The following SPTBN4 variants were observed in gnomAD, a reference collection of about 807,000 sequenced individuals.
SPTBN4 encodes spectrin beta, non-erythrocytic 4, also known as spectrin beta chain, non-erythrocytic 4.
A neutral mutation model predicts 277.8 loss-of-function variants in SPTBN4; 96 were observed. The ratio of observed to expected loss-of-function variants is 0.35; its 90% CI spans 0.29 to 0.41. The LOEUF (loss-of-function observed/expected upper bound fraction) is 0.41, where lower values mean the gene tolerates loss of function less well. Among genes scored for constraint, SPTBN4 ranks in the 10% least tolerant of loss-of-function variants. The pLI, the probability that SPTBN4 is intolerant of heterozygous loss-of-function variation, is 1.00. For synonymous variants in SPTBN4, 1,481 were observed against 1,580.3 expected, an observed-to-expected ratio of 0.94 and a Z score of 1.49; for missense variants, 3,006 against 3,595.7, an observed-to-expected ratio of 0.84 and a Z score of 4.19.
At chr19:40,501,882 T>C in intron 7 of SPTBN4, 39 bp from the exon 8 acceptor site, 1 of 1,557,366 alleles carries the variant, frequency 6.4e-7, no homozygotes, top group East Asian at 2.2e-5. Context: ...TCTGTCAAAG[T>C]GCCCACTGTC....
intron 2 of SPTBN4, among the ~76,000 whole-genome samples, chr19:40,479,384 G>A (rs978706231): frequency 1.3e-5 from 2 of 152,062 alleles, no homozygotes; most frequent in Admixed American, 6.6e-5. Flanking sequence ...TACTGTCATT[G>A]ATCTGTGTGA....
At chr19:40,571,800 C>A (rs2081157843) in intron 33 of SPTBN4, 1 of 462,498 alleles carries the variant, frequency 2.2e-6, no homozygotes, top group Non-Finnish European at 3.8e-6. Context: ...GAAGGGAAAT[C>A]TCAGCCTGGG....
At chr19:40,476,362 A>G (rs7258134) in intron 2 of SPTBN4, among the ~76,000 whole-genome samples, 25,662 of 143,518 alleles carry the variant, frequency 0.18, 2,658 homozygotes, top group Non-Finnish European at 0.22. Context: ...AAAAAAAAAA[A>G]AGAGAGAGAG....
chr19:40,549,562 TCA>T (rs1215304244), intron 21 of SPTBN4, 149 bp downstream of exon 21: 3 of 611,026 alleles, frequency 4.9e-6, no homozygotes, highest in Non-Finnish European at 8.1e-6. Context: ...ATTCATTCAT[TCA>T]CACTCATTTA....
rs757087074 is a variant in SPTBN4 at position 40,575,454 on chromosome 19, C to G, written c.7580C>G (p.Ala2527Gly). Residue 2527 changes from alanine (A) to glycine (G), a missense_variant, in exon 36 of 36, where the codon GCG (alanine) becomes GGG (glycine). Physicochemically the swap from Ala to Gly is moderately conservative, Grantham distance 60. This residue lies in a region of SPTBN4 where 630 missense variants were observed against 677.6 expected (regional missense o/e 0.93). Transcript: ENST00000598249. The part of the protein sequence containing the change: ...GWLEAVASSV[A>G]EHAEIARWGQ... ...CTGGAGGCTGTAGCTTCCTCGGTGG[C>G]GGAACACGCAGAGATCGCCCGCTGG... The G allele has an allele frequency of 1.9e-6, 3 of 1,613,012 alleles. No individual in the cohort carries two copies. The highest frequency in any genetic ancestry group is 2.7e-5 in the African/African-American group (2 of 74,904).
chr19:40,531,391 TG>T (rs965338370), intron 18 of SPTBN4, among the ~76,000 whole-genome samples: 4 of 142,236 alleles, frequency 2.8e-5, no homozygotes, highest in Non-Finnish European at 6.0e-5. Context: ...TTTGGCCGGC[TG>T]GGGATCTGGG....
intron 17 of SPTBN4, among the ~76,000 whole-genome samples, chr19:40,525,300 T>A (rs1387354798): frequency 6.6e-6 from 1 of 150,872 alleles, no homozygotes; most frequent in Non-Finnish European, 1.5e-5. Flanking sequence ...CATCCAGGCC[T>A]GGATCCTTCC....
chr19:40,485,133 G>C (rs574691570), intron 2 of SPTBN4, among the ~76,000 whole-genome samples: 1 of 151,124 alleles, frequency 6.6e-6, no homozygotes, highest in South Asian at 2.1e-4. Context: ...GTGAGCCACC[G>C]TGCCTGGCCT....
intron 13 of SPTBN4, among the ~76,000 whole-genome samples, chr19:40,509,989 T>G (rs1196686681): frequency 6.6e-6 from 1 of 152,122 alleles, no homozygotes. Context: ...GCCCTCGCCT[T>G]GTGAATTCTC....
chr19:40,499,863 G>A (rs558981024), intron 7 of SPTBN4, among the ~76,000 whole-genome samples: 7 of 152,062 alleles, frequency 4.6e-5, no homozygotes, highest in South Asian at 2.1e-4. Context: ...TGCCTGGTAC[G>A]TAGTAGGTGC....
chr19:40,523,262 G>A (rs1408024644), intron 16 of SPTBN4, among the ~76,000 whole-genome samples, 175 bp from the exon 17 acceptor site: 1 of 152,224 alleles, frequency 6.6e-6, no homozygotes. Context: ...GTATCTGGAG[G>A]GACAGACTCC....
intron 16 of SPTBN4, 145 bp downstream of exon 16, chr19:40,520,296 G>A (rs1040496222): frequency 2.1e-5 from 19 of 887,082 alleles, no homozygotes; most frequent in East Asian, 3.3e-5. Context: ...AGAGTATCCG[G>A]AATGGATAAC....
chr19:40,480,474 C>G (rs1420364366), intron 2 of SPTBN4, among the ~76,000 whole-genome samples: 3 of 152,244 alleles, frequency 2.0e-5, no homozygotes, highest in Admixed American at 2.0e-4. Context: ...CATCCTCATG[C>G]CACCTCCCTA....
chr19:40,467,866 C>T (rs1270980317), intron 1 of SPTBN4, among the ~76,000 whole-genome samples: 1 of 152,102 alleles, frequency 6.6e-6, no homozygotes, highest in Non-Finnish European at 1.5e-5. Context: ...TAAAGATACT[C>T]GGTTAAAGAT....
Position 40,531,485 on chromosome 19 carries a change from T to G in SPTBN4, c.3949-1140T>G, listed in dbSNP as rs1240523047. On this transcript the variant is annotated intron_variant, in intron 18 of 35. Coordinates refer to ENST00000598249, the MANE Select transcript of SPTBN4 (RefSeq NM_020971.3). ...GTTTGTTTTTTTTTTTTTTTTTTTT[T>G]TTTTTTTTTTTTTTGCAGGAGGGAG... Among the ~76,000 whole-genome samples, 149 of 125,480 alleles carry G rather than the reference T, an allele frequency of 1.2e-3. 1 individual carries two copies. The highest frequency in any genetic ancestry group is 4.9e-3 in the African/African-American group (139 of 28,360). The allele number at this position is 125,480 out of a possible 152,430, so 82.3% of individuals were successfully genotyped here.
intron 32 of SPTBN4, among the ~76,000 whole-genome samples, chr19:40,569,975 GACACACACACACAGAC>G (rs1322891482): frequency 1.2e-4 from 6 of 48,352 alleles, no homozygotes; most frequent in African/African-American, 5.0e-4. Context: ...CACACACACA[GACACACACACACAGAC>G]ACACACACAC....
chr19:40,554,842 C>A lies in SPTBN4; in HGVS notation c.5084+196C>A, dbSNP rs950450872. 8 of 737,942 alleles carry A rather than the reference C, an allele frequency of 1.1e-5. No homozygotes were observed. The highest frequency in any genetic ancestry group is 4.8e-4 in the Middle Eastern group (2 of 4,130). The allele number at this position is 737,942 out of a possible 1,614,324, so 45.7% of individuals were successfully genotyped here. On this transcript the variant is annotated intron_variant, in intron 24 of 35. Coordinates refer to ENST00000598249, the MANE Select transcript of SPTBN4 (RefSeq NM_020971.3). This position sits in a 1 kb window ranked among gnomAD's most constrained non-coding sequence, Gnocchi z 5.7. ...TCAGGGATGGTTGAGAGGGTGGGGC[C>A]AGGAGCACCTGGATTTGAGTGTAGT...
intron 35 of SPTBN4, among the ~76,000 whole-genome samples, chr19:40,574,979 C>T (rs1345070239): frequency 4.1e-5 from 6 of 146,836 alleles, no homozygotes; most frequent in African/African-American, 1.5e-4. Context: ...CGAGCCATTG[C>T]ACTCCAGCCT....
At chr19:40,530,696 C>G in intron 18 of SPTBN4, 18 of 291,502 alleles carry the variant, frequency 6.2e-5, no homozygotes, top group East Asian at 2.1e-4. Flanking sequence ...GAGGGAGGGG[C>G]GGGGCGGCGC....
Sources: allele counts gnomAD v4.1 joint callset (sites outside exome capture counted in the v4.1 genomes callset), GRCh38; gene constraint gnomAD v4.1.1; regional missense constraint gnomAD v4.1.1; non-coding constraint Gnocchi (gnomAD v3.1); transcripts MANE v1.5; gene names NCBI Gene and HGNC (gene_info 2026-07-23, HGNC 2026-07-21).